The following DIS3L2 variants were observed in gnomAD, a reference collection of about 807,000 sequenced individuals.
The protein encoded by DIS3L2 is DIS3 like 3'-5' exoribonuclease 2.
A neutral mutation model predicts 97.5 loss-of-function variants in DIS3L2; 34 were observed. That is an observed-to-expected ratio of 0.35 (90% CI 0.27 to 0.46). The LOEUF (loss-of-function observed/expected upper bound fraction) is 0.46, where lower values mean the gene tolerates loss of function less well. Among genes scored for constraint, DIS3L2 ranks in the 20% least tolerant of loss-of-function variants. DIS3L2 has a pLI of 1.00. For synonymous variants in DIS3L2, 435 were observed against 445.2 expected (o/e 0.98, Z 0.29); for missense variants, 1,038 against 1,146.0 (o/e 0.91, Z 1.36).
chr2:232,105,839 G>A (rs560937139), intron 6 of DIS3L2, among the ~76,000 whole-genome samples: 5 of 152,310 alleles, frequency 3.3e-5, no homozygotes, highest in African/African-American at 1.2e-4. Context: ...CTTTGTTGGA[G>A]GTGAGTGAAG....
chr2:232,323,898 C>T (rs2106341981), intron 14 of DIS3L2, among the ~76,000 whole-genome samples: 1 of 152,176 alleles, frequency 6.6e-6, no homozygotes, highest in East Asian at 1.9e-4. Context: ...TCCCTTTCTC[C>T]AGGCCTCCAC....
chr2:231,989,096 C>T (rs1173079339), intron 1 of DIS3L2, among the ~76,000 whole-genome samples: 1 of 152,034 alleles, frequency 6.6e-6, no homozygotes, highest in Non-Finnish European at 1.5e-5. Context: ...GCTCGGATTA[C>T]CGTTGAAATT....
At chr2:232,255,352 G>A (rs567652660) in intron 12 of DIS3L2, among the ~76,000 whole-genome samples, 73 of 152,324 alleles carry the variant, frequency 4.8e-4, no homozygotes, top group African/African-American at 1.5e-3. Context: ...CAGCTGCTGC[G>A]TAGCCACCAG....
chr2:231,981,947 T>TCG (rs1559512785), intron 1 of DIS3L2, among the ~76,000 whole-genome samples: 1 of 151,276 alleles, frequency 6.6e-6, no homozygotes, highest in East Asian at 1.9e-4. Context: ...GGCATGAGAA[T>TCG]CGCTTGAACC....
At chr2:232,215,982 C>T (rs996387633) in intron 10 of DIS3L2, among the ~76,000 whole-genome samples, 1 of 152,146 alleles carries the variant, frequency 6.6e-6, no homozygotes, top group African/African-American at 2.4e-5. Context: ...TTCACCCCAG[C>T]CCCTTTACAT....
intron 5 of DIS3L2, among the ~76,000 whole-genome samples, chr2:232,081,029 A>G (rs547542657): frequency 7.2e-5 from 11 of 151,838 alleles, no homozygotes; most frequent in African/African-American, 2.4e-4. Context: ...CTTGCAATTT[A>G]TTTGTTGGCA....
chr2:232,336,844 C>A lies in DIS3L2; in HGVS notation c.*214C>A, dbSNP rs920095181. Reference sequence around the variant, plus strand: ...GGCTGAGGCCTGGTCAGCAGTGACCCCAGCAGAGCAGGCCCCAGTCCTCCT... The same window carrying A: ...GGCTGAGGCCTGGTCAGCAGTGACCACAGCAGAGCAGGCCCCAGTCCTCCT... On this transcript the variant is annotated 3_prime_UTR_variant, in exon 21 of 21. Coordinates refer to ENST00000325385, the MANE Select transcript of DIS3L2 (RefSeq NM_152383.5). The A allele has an allele frequency of 1.2e-5, 17 of 1,391,478 alleles. No individual in the cohort carries two copies. Among genetic ancestry groups the A allele is most frequent in the Non-Finnish European group, 1.3e-5 (14 of 1,075,788 alleles). 86.2% of individuals were successfully genotyped at this position (1,391,478 alleles called of 1,614,324 possible).
chr2:232,033,868 G>C (rs1694879839), intron 5 of DIS3L2, among the ~76,000 whole-genome samples: 1 of 152,148 alleles, frequency 6.6e-6, no homozygotes, highest in Non-Finnish European at 1.5e-5. Context: ...GATTTGGTTT[G>C]CTAGTATTTT....
At chr2:232,262,264 A>C (rs953492252) in intron 12 of DIS3L2, among the ~76,000 whole-genome samples, 1 of 152,254 alleles carries the variant, frequency 6.6e-6, no homozygotes, top group African/African-American at 2.4e-5. Context: ...TGCCTGCCAG[A>C]TCCCCTCACC....
chr2:232,223,198 A>G (rs1036308808), intron 10 of DIS3L2, among the ~76,000 whole-genome samples: 1 of 152,212 alleles, frequency 6.6e-6, no homozygotes, highest in Non-Finnish European at 1.5e-5. Context: ...TCTGGCACCA[A>G]GGTAAACCTG....
Position 232,163,559 on chromosome 2 carries a change from G to A in DIS3L2, c.1051G>A (p.Val351Ile). ...GGATTTCTCTGATTTCTCTTCAGAA[G>A]TTCTAGAATGTCTTCCTCAAGGCCT... ...GVDFSDFSSE[V>I]LECLPQGLPW... The change falls in exon 9 of 21, where the codon GTT becomes ATT. Residue 351 changes from valine to isoleucine, a missense_variant. This residue lies in a region of DIS3L2 where 813 missense variants were observed against 880.1 expected (regional missense o/e 0.92). Coordinates refer to ENST00000325385, the MANE Select transcript of DIS3L2 (RefSeq NM_152383.5). 6.2e-7 allele frequency: 1 copy of A among 1,614,160 alleles called. No individual in the cohort carries two copies. The highest frequency in any genetic ancestry group is 8.5e-7 in the Non-Finnish European group (1 of 1,180,024).
At chr2:231,983,294 G>C (rs1352000247) in intron 1 of DIS3L2, among the ~76,000 whole-genome samples, 1 of 152,138 alleles carries the variant, frequency 6.6e-6, no homozygotes, top group Non-Finnish European at 1.5e-5. Flanking sequence ...ATAGAAGTGT[G>C]AGATCAAGGT....
intron 10 of DIS3L2, among the ~76,000 whole-genome samples, chr2:232,221,057 G>A (rs996007890): frequency 4.7e-4 from 68 of 146,060 alleles, no homozygotes; most frequent in Admixed American, 2.6e-3. Context: ...AGCCAAGATC[G>A]TGCCACTGTG....
intron 5 of DIS3L2, among the ~76,000 whole-genome samples, chr2:232,044,811 G>A (rs1448028910): frequency 6.6e-6 from 1 of 152,108 alleles, no homozygotes; most frequent in Non-Finnish European, 1.5e-5. Flanking sequence ...CAAGGAAGGA[G>A]GAACAGCAGC....
At chr2:231,993,853 C>G (rs978879314) in intron 1 of DIS3L2, among the ~76,000 whole-genome samples, 1 of 150,116 alleles carries the variant, frequency 6.7e-6, no homozygotes, top group Non-Finnish European at 1.5e-5. Context: ...TGTCATTCAT[C>G]TATGTCAATG....
intron 13 of DIS3L2, among the ~76,000 whole-genome samples, chr2:232,273,467 A>G (rs562232022): frequency 6.6e-6 from 1 of 152,196 alleles, no homozygotes; most frequent in Non-Finnish European, 1.5e-5. Context: ...AGGCGTGTTT[A>G]TATAAGAGGA....
intron 12 of DIS3L2, among the ~76,000 whole-genome samples, chr2:232,257,755 A>C (rs1693604940): frequency 6.6e-6 from 1 of 152,244 alleles, no homozygotes; most frequent in South Asian, 2.1e-4. Context: ...ATGGAACTGA[A>C]TAATTTTCAA....
chr2:232,163,406 C>CT, intron 8 of DIS3L2, 53 bp from the exon 9 acceptor site: 1 of 1,576,948 alleles, frequency 6.3e-7, no homozygotes, highest in East Asian at 2.2e-5. Flanking sequence ...AGACAGGTAC[C>CT]TATGTTCCAT....
At chr2:232,294,701 C>T (rs913456886) in intron 13 of DIS3L2, among the ~76,000 whole-genome samples, 1 of 152,234 alleles carries the variant, frequency 6.6e-6, no homozygotes, top group African/African-American at 2.4e-5. Flanking sequence ...CTCTCAGACA[C>T]TACACCCAGT....
Sources: gnomAD v4.1 joint callset for allele counts (sites outside exome capture counted in the v4.1 genomes callset) on GRCh38, gnomAD v4.1.1 for gene constraint, gnomAD v4.1.1 regional missense constraint, MANE v1.5 for transcripts, NCBI Gene and HGNC (gene_info 2026-07-23, HGNC 2026-07-21) for gene names.